IQSEC1: variants seen among roughly 807,000 people sequenced by gnomAD.
The protein encoded by IQSEC1 is IQ motif and Sec7 domain ArfGEF 1.
A neutral mutation model predicts 91.0 loss-of-function variants in IQSEC1; 31 were observed. The observed-to-expected ratio is 0.34, with a 90% CI of 0.26 to 0.46. The LOEUF is 0.46. IQSEC1 is among the 20% of genes least tolerant of loss of function. IQSEC1 has a pLI of 1.00. For missense variants in IQSEC1, 1,388 were observed against 1,575.6 expected (o/e 0.88, Z 2.02); for synonymous variants, 699 against 662.6 (o/e 1.05, Z -0.84).
chr3:13,283,186 C>G (rs1210622549), exon 1 of IQSEC1, among the ~76,000 whole-genome samples: 5 of 146,126 alleles, frequency 3.4e-5, no homozygotes, highest in African/African-American at 1.2e-4. Flanking sequence ...CCGCCCGCTG[C>G]CCCGCGGACG....
At chr3:13,135,228 G>A (rs556733440) in intron 2 of IQSEC1, among the ~76,000 whole-genome samples, 1 of 152,344 alleles carries the variant, frequency 6.6e-6, no homozygotes, top group East Asian at 1.9e-4. Flanking sequence ...GTTCAAGGAG[G>A]TTGTCCTTGT....
Position 13,094,599 on chromosome 3 carries a change from G to A in IQSEC1, c.303-47077C>T, listed in dbSNP as rs183282344. ...CCAGACCCTGCACTAAGTACTGTTC[G>A]TGGATCAGCCTGTGAGACTGCTTCC... is the stretch of plus-strand genomic sequence containing the variant. On this transcript the variant is annotated intron_variant, in intron 2 of 15. Transcript: ENST00000648114. Among the ~76,000 whole-genome samples the A allele has an allele frequency of 2.4e-4, 36 of 152,254 alleles. 1 individual carries two copies. In the East Asian group the frequency reaches 6.9e-3, roughly 29 times the overall value.
At chr3:13,268,345 G>A (rs1695532609) in intron 1 of IQSEC1, among the ~76,000 whole-genome samples, 1 of 152,206 alleles carries the variant, frequency 6.6e-6, no homozygotes, top group Admixed American at 6.5e-5. Context: ...GGGCTGCACA[G>A]ATAAAAAAGG....
intron 1 of IQSEC1, among the ~76,000 whole-genome samples, chr3:13,202,220 G>A (rs1694257342): frequency 6.6e-6 from 1 of 152,200 alleles, no homozygotes; most frequent in Admixed American, 6.5e-5. Flanking sequence ...GAAAAATGGT[G>A]CCACTGTTAT....
chr3:12,910,580 G>C (rs545548153), intron 10 of IQSEC1, among the ~76,000 whole-genome samples: 52 of 152,238 alleles, frequency 3.4e-4, no homozygotes, highest in Non-Finnish European at 6.8e-4. Context: ...GGAATGGCAG[G>C]AGGTGGGGAG....
chr3:13,055,108 G>A (rs1260515439), intron 1 of IQSEC1, among the ~76,000 whole-genome samples: 2 of 152,232 alleles, frequency 1.3e-5, no homozygotes, highest in African/African-American at 4.8e-5. Flanking sequence ...CGGGCTTGGG[G>A]CCCCACCACT....
chr3:13,020,465 A>G (rs1703348734), intron 1 of IQSEC1, among the ~76,000 whole-genome samples: 1 of 152,228 alleles, frequency 6.6e-6, no homozygotes, highest in Non-Finnish European at 1.5e-5. Context: ...AGCAGAGACA[A>G]CTATGGCCAC....
At chr3:13,015,471 G>T in intron 1 of IQSEC1, 1 of 688,380 alleles carries the variant, frequency 1.5e-6, no homozygotes, top group Non-Finnish European at 1.8e-6. Flanking sequence ...TCTGACGACA[G>T]CCCCCAAGAC....
At chr3:13,172,115 G>C (rs1693628195) in intron 1 of IQSEC1, among the ~76,000 whole-genome samples, 1 of 152,200 alleles carries the variant, frequency 6.6e-6, no homozygotes, top group South Asian at 2.1e-4. Context: ...CGTGTCTACG[G>C]GCAGGACTTA....
chr3:13,074,856 C>A (rs1317753239), upstream of IQSEC1, among the ~76,000 whole-genome samples: 4 of 152,174 alleles, frequency 2.6e-5, no homozygotes, highest in African/African-American at 7.2e-5. Context: ...CCATCCTTTA[C>A]AGGGGAGGAA....
rs749325188 is a variant in IQSEC1, at chr3:12,994,391, CGA to C, written c.24-52528_24-52527del. On this transcript the variant is annotated intron_variant, in intron 1 of 13. Coordinates refer to ENST00000613206, the MANE Select transcript of IQSEC1 (RefSeq NM_001134382.3). The surrounding 1 kb of genome is among the most constrained non-coding windows in gnomAD (Gnocchi z 4.5). ...GGGAGGACGGTGCCGCCCCGGCCGC[CGA>C]CGTCACCCGAGCCTGGACGAGTGGA... 5.9e-4 allele frequency among the ~76,000 whole-genome samples: 89 copies of C among 151,260 alleles called. No individual in the cohort carries two copies. The highest frequency in any genetic ancestry group is 3.5e-3 in the Middle Eastern group (1 of 284).
Position 13,207,587 on chromosome 3 carries a change from A to T in IQSEC1, c.273-43454T>A, listed in dbSNP as rs996964703. Among the ~76,000 whole-genome samples the T allele has an allele frequency of 2.6e-5, 4 of 152,168 alleles. No homozygotes were observed. On this transcript the variant is annotated intron_variant, in intron 1 of 15. Transcript: ENST00000648114. The surrounding 1 kb of genome is among the most constrained non-coding windows in gnomAD (Gnocchi z 4.8). ...AGCCCAGTCAAGAGGATTTGGCATC[A>T]TCTGGGTCTGTCTCCTGCCCCAGCC...
At chr3:13,049,929 G>A (rs1328162124) in intron 1 of IQSEC1, among the ~76,000 whole-genome samples, 2 of 152,200 alleles carry the variant, frequency 1.3e-5, no homozygotes, top group South Asian at 2.1e-4. Flanking sequence ...GTCTGCATGT[G>A]AAGACGGGAA....
chr3:13,017,910 G>A (rs1460115013), intron 1 of IQSEC1, among the ~76,000 whole-genome samples: 2 of 152,238 alleles, frequency 1.3e-5, no homozygotes, highest in East Asian at 1.9e-4. Context: ...ACTCAGCTCT[G>A]GGCTCTTCCC....
intron 2 of IQSEC1, among the ~76,000 whole-genome samples, chr3:13,125,186 C>T (rs747407779): frequency 3.3e-5 from 5 of 152,194 alleles, no homozygotes; most frequent in Non-Finnish European, 7.3e-5. Context: ...CTTAAACATG[C>T]CAAGCAAACC....
chr3:13,151,660 A>C (rs1323962175), intron 2 of IQSEC1, among the ~76,000 whole-genome samples: 2 of 152,228 alleles, frequency 1.3e-5, no homozygotes, highest in Non-Finnish European at 2.9e-5. Flanking sequence ...CATCATGTCT[A>C]CATCACTAGA....
intron 2 of IQSEC1, among the ~76,000 whole-genome samples, chr3:13,161,588 C>T (rs1707177529): frequency 6.6e-6 from 1 of 152,182 alleles, no homozygotes; most frequent in Non-Finnish European, 1.5e-5. Context: ...AAGTCGTCAG[C>T]TGCATGGGAA....
rs370926122 is a variant in IQSEC1, at chr3:13,165,457, A to G, written c.273-1324T>C. 5.5e-4 allele frequency among the ~76,000 whole-genome samples: 74 copies of G among 135,716 alleles called. 2 individuals carry two copies. The South Asian group carries it at 0.011, about 21-fold the overall frequency. 89.0% of individuals were successfully genotyped at this position (135,716 alleles called of 152,430 possible). On this transcript the variant is annotated intron_variant, in intron 1 of 15. Coordinates refer to the IQSEC1 transcript ENST00000648114. ...CCAGGAGCAGCTTTTGAAAGTTCTTATTTTTTGTTTTTGTTTTCCATTTGA... is the reference window on the plus strand; with the variant it reads ...CCAGGAGCAGCTTTTGAAAGTTCTTGTTTTTTGTTTTTGTTTTCCATTTGA...
chr3:13,105,940 G>C (rs944193093), intron 2 of IQSEC1, among the ~76,000 whole-genome samples: 2 of 152,206 alleles, frequency 1.3e-5, no homozygotes, highest in African/African-American at 4.8e-5. Flanking sequence ...GCAAATAGAA[G>C]ATTTCAGGCG....
Sources: allele counts gnomAD v4.1 joint callset (sites outside exome capture counted in the v4.1 genomes callset), GRCh38; gene constraint gnomAD v4.1.1; non-coding constraint Gnocchi (gnomAD v3.1); transcripts MANE v1.5; gene names NCBI Gene and HGNC (gene_info 2026-07-23, HGNC 2026-07-21).